The following DENND2A variants were observed in gnomAD, a reference collection of about 807,000 sequenced individuals.
The protein encoded by DENND2A is DENN domain containing 2A.
A neutral mutation model predicts 105.3 loss-of-function variants in DENND2A; 53 were observed. That is an observed-to-expected ratio of 0.50 (90% CI 0.40 to 0.63). The LOEUF is 0.63. Among genes scored for constraint, DENND2A ranks in the 30% least tolerant of loss-of-function variants. DENND2A has a pLI of 0.00. For synonymous variants in DENND2A, 522 were observed against 508.4 expected (o/e 1.03, Z -0.36); for missense variants, 1,138 against 1,279.6 (o/e 0.89, Z 1.69).
chr7:140,522,132 G>A, intron 17 of DENND2A, 32 bp from the exon 18 acceptor site: 2 of 1,612,394 alleles, frequency 1.2e-6, no homozygotes, highest in Non-Finnish European at 1.7e-6. Context: ...CAGGAACGGT[G>A]AGGGCAGACA....
intron 13 of DENND2A, 133 bp downstream of exon 13, chr7:140,546,666 G>T: frequency 8.5e-7 from 1 of 1,171,332 alleles, no homozygotes. Context: ...GAGTGATCTG[G>T]GCCAGCTCTA....
intron 12 of DENND2A, among the ~76,000 whole-genome samples, chr7:140,551,090 C>G (rs1052757519): frequency 6.6e-6 from 1 of 151,230 alleles, no homozygotes; most frequent in African/African-American, 2.4e-5. Context: ...CACCTGAGGT[C>G]AAGAGTTCGA....
In DENND2A at chr7:140,559,494, C is replaced by A. The variant is rs1324545834; in HGVS notation, c.1889+214G>T. ...CCGGGAGGCTTCTGAAACAAGTATC[C>A]CCAGATTGAGTGGGAAGCCCGGGAG... On this transcript the variant is annotated intron_variant, in intron 10 of 19. Coordinates refer to ENST00000496613, the MANE Select transcript of DENND2A (RefSeq NM_015689.5). The surrounding 1 kb of genome is among the most constrained non-coding windows in gnomAD (Gnocchi z 4.1). Among the ~76,000 whole-genome samples the A allele has an allele frequency of 1.3e-5, 2 of 152,070 alleles. No homozygotes were observed. Among genetic ancestry groups the A allele is most frequent in the Non-Finnish European group, 2.9e-5 (2 of 68,026 alleles).
intron 1 of DENND2A, among the ~76,000 whole-genome samples, chr7:140,623,488 G>A (rs1800379511): frequency 6.6e-6 from 1 of 151,920 alleles, no homozygotes. Context: ...CCAGCACTTT[G>A]GGAGGCCGAG....
chr7:140,522,243 C>T, intron 17 of DENND2A, 143 bp from the exon 18 acceptor site: 1 of 1,060,964 alleles, frequency 9.4e-7, no homozygotes, highest in Non-Finnish European at 1.3e-6. Flanking sequence ...GAGGGTTACC[C>T]AGGTTATTAA....
At chr7:140,568,835 G>A in intron 7 of DENND2A, 22 bp from the exon 8 acceptor site, 1 of 1,613,406 alleles carries the variant, frequency 6.2e-7, no homozygotes, top group South Asian at 1.1e-5. Context: ...GAACAAGGAA[G>A]AAAATTGCAA....
At chr7:140,562,207 C>A (rs989663234) in intron 9 of DENND2A, among the ~76,000 whole-genome samples, 1 of 151,692 alleles carries the variant, frequency 6.6e-6, no homozygotes, top group Non-Finnish European at 1.5e-5. Flanking sequence ...CTTTAAAACA[C>A]CCTTGCAGAC....
chr7:140,559,600 C>G lies in DENND2A; in HGVS notation c.1889+108G>C. On this transcript the variant is annotated intron_variant, in intron 10 of 19. Coordinates refer to ENST00000496613, the MANE Select transcript of DENND2A (RefSeq NM_015689.5). This position sits in a 1 kb window ranked among gnomAD's most constrained non-coding sequence, Gnocchi z 4.1. The stretch of plus-strand genomic sequence containing the variant: ...GGGGAAAGCTCTAGGCCAGGCCCAT[C>G]AGGATTACTTAACGGTGGGAATGAC... The G allele has an allele frequency of 1.3e-6, 1 of 793,304 alleles. No homozygotes were observed. The allele number at this position is 793,304 out of a possible 1,614,324, so 49.1% of individuals were successfully genotyped here. A position where few individuals can be genotyped will look rare whatever the true frequency, so the allele number is the denominator to read the frequency against.
rs765879366 is a variant in DENND2A at position 140,527,301 on chromosome 7, G to T, written c.2505+17C>A. ...CGCACCCTGCAGGGAGGGGGACAGGGCTGAGTGGGAGCTCACCTCTTCCAG... is the reference window on the plus strand; with the variant it reads ...CGCACCCTGCAGGGAGGGGGACAGGTCTGAGTGGGAGCTCACCTCTTCCAG... On this transcript the variant is annotated intron_variant, in intron 15 of 19. Coordinates refer to ENST00000496613, the MANE Select transcript of DENND2A (RefSeq NM_015689.5). This position sits in a 1 kb window ranked among gnomAD's most constrained non-coding sequence, Gnocchi z 4.9. The T allele has an allele frequency of 5.8e-6, 9 of 1,564,042 alleles. No homozygotes were observed. Among genetic ancestry groups the T allele is most frequent in the Non-Finnish European group, 7.8e-6 (9 of 1,155,238 alleles).
At chr7:140,630,707 A>T (rs1398570031) in intron 1 of DENND2A, among the ~76,000 whole-genome samples, 1 of 152,080 alleles carries the variant, frequency 6.6e-6, no homozygotes, top group Non-Finnish European at 1.5e-5. Context: ...ATAAAATACA[A>T]AAAATTAGCC....
intron 1 of DENND2A, among the ~76,000 whole-genome samples, chr7:140,632,395 CAG>C (rs1316525280): frequency 1.3e-5 from 2 of 152,228 alleles, no homozygotes; most frequent in African/African-American, 4.8e-5. Context: ...GGGAGATAGA[CAG>C]AGGGGTGGTA....
intron 1 of DENND2A, among the ~76,000 whole-genome samples, chr7:140,619,500 C>CTTTT (rs57839820): frequency 3.4e-5 from 5 of 144,944 alleles, no homozygotes; most frequent in Admixed American, 1.4e-4. Flanking sequence ...AAACTCTGCA[C>CTTTT]TTTTTTTTTT....
chr7:140,522,304 T>C (rs1795888772), intron 17 of DENND2A, among the ~76,000 whole-genome samples: 1 of 152,166 alleles, frequency 6.6e-6, no homozygotes, highest in African/African-American at 2.4e-5. Context: ...TTAAAAAAGT[T>C]TTTATTTTTA....
chr7:140,546,277 G>A (rs1355810075), intron 13 of DENND2A, among the ~76,000 whole-genome samples: 1 of 152,030 alleles, frequency 6.6e-6, no homozygotes, highest in East Asian at 1.9e-4. Flanking sequence ...AATTAGCCGG[G>A]TGTGGCAGCA....
intron 3 of DENND2A, among the ~76,000 whole-genome samples, chr7:140,591,020 G>A (rs1798994076): frequency 1.3e-5 from 2 of 152,028 alleles, no homozygotes; most frequent in South Asian, 4.1e-4. Flanking sequence ...AGATGGGGGT[G>A]GGCGCAGTAG....
intron 5 of DENND2A, among the ~76,000 whole-genome samples, chr7:140,577,819 T>C (rs891855141): frequency 1.3e-5 from 2 of 152,204 alleles, no homozygotes; most frequent in African/African-American, 2.4e-5. Flanking sequence ...CGTAAATGAA[T>C]GCACCTGGCT....
In DENND2A at chr7:140,555,836, C is replaced by T. The variant is rs1568640; in HGVS notation, c.1960-123G>A. 7.0e-3 allele frequency: 4,807 copies of T among 683,748 alleles called. 175 individuals carry two copies. The African/African-American group carries it at 0.079, about 11-fold the overall frequency. 42.4% of individuals were successfully genotyped at this position (683,748 alleles called of 1,614,324 possible). A position where few individuals can be genotyped will look rare whatever the true frequency, so the allele number is the denominator to read the frequency against. ...TTCCACATATCATAGCTCTGGAAAA[C>T]CCAATAAAGTAAGTTGTTATCCCAT... On this transcript the variant is annotated intron_variant, in intron 11 of 19. Coordinates refer to ENST00000496613, the MANE Select transcript of DENND2A (RefSeq NM_015689.5).
intron 5 of DENND2A, among the ~76,000 whole-genome samples, chr7:140,577,851 C>T (rs1798369728): frequency 6.6e-6 from 1 of 152,134 alleles, no homozygotes; most frequent in Non-Finnish European, 1.5e-5. Flanking sequence ...GAACTTTATT[C>T]ATAACATCAG....
At chr7:140,631,253 T>G (rs147371689) in intron 1 of DENND2A, among the ~76,000 whole-genome samples, 1 of 152,224 alleles carries the variant, frequency 6.6e-6, no homozygotes, top group Admixed American at 6.5e-5. Context: ...GGAAGGAACA[T>G]GTGGATCTGC....
Sources: allele counts gnomAD v4.1 joint callset (sites outside exome capture counted in the v4.1 genomes callset), GRCh38; gene constraint gnomAD v4.1.1; non-coding constraint Gnocchi (gnomAD v3.1); transcripts MANE v1.5; gene names NCBI Gene and HGNC (gene_info 2026-07-23, HGNC 2026-07-21).